PKN2: variants seen among roughly 807,000 people sequenced by gnomAD.
The protein encoded by PKN2 is protein kinase N2, also known as serine/threonine-protein kinase N2.
Under a neutral mutation model 119.1 loss-of-function variants are expected in PKN2, and 38 were observed. The observed-to-expected ratio is 0.32, with a 90% CI of 0.25 to 0.42. PKN2 has a LOEUF of 0.42. Ranked by LOEUF, PKN2 falls within the 10% of genes least tolerant of loss-of-function variation. The pLI is 1.00. For synonymous variants in PKN2, 390 were observed against 384.9 expected (o/e 1.01, Z -0.15); for missense variants, 850 against 1,165.1 (o/e 0.73, Z 3.94).
At chr1:88,737,272 A>C (rs1265140482) in intron 1 of PKN2, among the ~76,000 whole-genome samples, 1 of 152,046 alleles carries the variant, frequency 6.6e-6, no homozygotes, top group Non-Finnish European at 1.5e-5. Context: ...TGTACCCCTG[A>C]GTCTATTCCA....
chr1:88,750,250 C>A (rs1175353185), intron 2 of PKN2, among the ~76,000 whole-genome samples: 1 of 152,092 alleles, frequency 6.6e-6, no homozygotes, highest in Admixed American at 6.6e-5. Context: ...AGTAAAGACT[C>A]AAGAATTAAA....
At chr1:88,761,354 A>G (rs1459384244) in intron 3 of PKN2, among the ~76,000 whole-genome samples, 1 of 151,980 alleles carries the variant, frequency 6.6e-6, no homozygotes, top group Non-Finnish European at 1.5e-5. Context: ...TTATTTTAGT[A>G]GATATTTTTT....
chr1:88,755,297 G>A (rs1422653848), intron 2 of PKN2, among the ~76,000 whole-genome samples: 1 of 152,148 alleles, frequency 6.6e-6, no homozygotes, highest in African/African-American at 2.4e-5. Flanking sequence ...AAATTGGAGA[G>A]AAGAAAAGCA....
chr1:88,791,970 T>A (rs1340092053), intron 8 of PKN2, among the ~76,000 whole-genome samples: 2 of 152,318 alleles, frequency 1.3e-5, no homozygotes, highest in East Asian at 3.9e-4. Flanking sequence ...ACAAAGATAC[T>A]TTTAATTTTT....
At chr1:88,745,731 AAAAG>A (rs1224046900) in intron 2 of PKN2, among the ~76,000 whole-genome samples, 1 of 152,296 alleles carries the variant, frequency 6.6e-6, no homozygotes, top group South Asian at 2.1e-4. Flanking sequence ...CAGAAATAGA[AAAAG>A]AAATCCTAAA....
At chr1:88,782,659 C>T (rs1230121638) in intron 6 of PKN2, among the ~76,000 whole-genome samples, 1 of 151,930 alleles carries the variant, frequency 6.6e-6, no homozygotes. Flanking sequence ...ATTTTTTAAT[C>T]ACTAGAAATT....
At chr1:88,738,457 G>A (rs749938864) in intron 1 of PKN2, among the ~76,000 whole-genome samples, 2 of 152,228 alleles carry the variant, frequency 1.3e-5, no homozygotes, top group Non-Finnish European at 2.9e-5. Context: ...GAGAGATGGT[G>A]CATACCAAAG....
chr1:88,807,353 G>T lies in PKN2; in HGVS notation c.1844G>T (p.Ser615Ile). The change falls in exon 13 of 22, where the codon AGT (serine) becomes ATT (isoleucine). Residue 615 changes from serine to isoleucine, a missense_variant. By Grantham distance (142) the Ser-to-Ile change is moderately radical (BLOSUM62 -2). This residue lies in a region of PKN2 where 216 missense variants were observed against 252.8 expected (regional missense o/e 0.85). Coordinates refer to ENST00000370521, the MANE Select transcript of PKN2 (RefSeq NM_006256.4). The stretch of plus-strand genomic sequence containing the variant: ...TTTGATATTCAGAATGACAGAAATA[G>T]TATACTTCCAAAATCTCAATCTGAA... ...TVFDIQNDRN[S>I]ILPKSQSEYK... 6.3e-7 allele frequency: 1 copy of T among 1,589,130 alleles called. No homozygotes were observed. The highest frequency in any genetic ancestry group is 1.1e-5 in the South Asian group (1 of 89,552).
chr1:88,726,531 GTTGTA>G (rs1667903321), intron 1 of PKN2, among the ~76,000 whole-genome samples: 1 of 152,042 alleles, frequency 6.6e-6, no homozygotes, highest in Non-Finnish European at 1.5e-5. Flanking sequence ...ACCCTACTGT[GTTGTA>G]TTGTATAATT....
In PKN2 at chr1:88,828,486, G is replaced by T; in HGVS notation, c.2425G>T (p.Gly809Ter). The T allele has an allele frequency of 6.2e-7, 1 of 1,606,088 alleles. No homozygotes were observed. Among genetic ancestry groups the T allele is most frequent in the East Asian group, 2.2e-5 (1 of 44,734 alleles). ...ADFGLCKEGM[G>*]YGDRTSTFCG... The stretch of plus-strand genomic sequence containing the variant: ...TTACATTTTATCTTTTCCAGGAATG[G>T]GATATGGAGATAGAACAAGCACATT... Residue 809 changes from glycine to a stop codon, truncating the protein, a stop_gained, in exon 19 of 22, where the codon GGA (glycine) becomes TGA (stop). Coordinates refer to ENST00000370521, the MANE Select transcript of PKN2 (RefSeq NM_006256.4). LOFTEE classifies it high-confidence loss of function.
chr1:88,784,873 T>C (rs1188887453), intron 7 of PKN2, 49 bp downstream of exon 7: 1 of 1,138,154 alleles, frequency 8.8e-7, no homozygotes, highest in Non-Finnish European at 1.3e-6. Context: ...AAAGTGCTTA[T>C]ACAAGGGATT....
intron 2 of PKN2, among the ~76,000 whole-genome samples, chr1:88,745,368 C>T (rs1668731892): frequency 6.6e-6 from 1 of 152,144 alleles, no homozygotes; most frequent in African/African-American, 2.4e-5. Context: ...GTATAAAATT[C>T]TAAAGACTCC....
intron 19 of PKN2, chr1:88,828,903 G>A (rs1344290831): frequency 1.6e-6 from 1 of 610,020 alleles, no homozygotes; most frequent in Middle Eastern, 2.6e-4. Flanking sequence ...TCATTTTATA[G>A]GGAATGGAAT....
At chr1:88,831,590 G>A (rs1672736052) in intron 19 of PKN2, among the ~76,000 whole-genome samples, 1 of 151,942 alleles carries the variant, frequency 6.6e-6, no homozygotes, top group Admixed American at 6.6e-5. Flanking sequence ...TCTTAGCTGT[G>A]AGCAAGATTA....
chr1:88,698,939 G>A (rs1666650788), intron 1 of PKN2, among the ~76,000 whole-genome samples: 1 of 152,108 alleles, frequency 6.6e-6, no homozygotes, highest in Non-Finnish European at 1.5e-5. Context: ...TAGAGCCATA[G>A]CATCTATTAA....
chr1:88,792,918 G>T (rs560846296), intron 8 of PKN2, among the ~76,000 whole-genome samples: 8 of 152,258 alleles, frequency 5.3e-5, no homozygotes, highest in Non-Finnish European at 7.3e-5. Flanking sequence ...TTATGGTATT[G>T]CATTAAATAC....
chr1:88,745,648 A>C (rs920985350), intron 2 of PKN2, among the ~76,000 whole-genome samples: 1 of 152,172 alleles, frequency 6.6e-6, no homozygotes, highest in African/African-American at 2.4e-5. Flanking sequence ...TAATATTGTT[A>C]AAATGTCCAT....
chr1:88,751,312 C>T (rs929172165), intron 2 of PKN2, among the ~76,000 whole-genome samples: 20 of 151,798 alleles, frequency 1.3e-4, no homozygotes, highest in Non-Finnish European at 2.6e-4. Context: ...TATGTGTAGA[C>T]ACACATACAT....
At chr1:88,746,365 A>G (rs1233937450) in intron 2 of PKN2, among the ~76,000 whole-genome samples, 4 of 152,134 alleles carry the variant, frequency 2.6e-5, no homozygotes, top group Admixed American at 2.6e-4. Flanking sequence ...TATAAATTAT[A>G]TATTGGATAA....
Sources: allele counts gnomAD v4.1 joint callset (sites outside exome capture counted in the v4.1 genomes callset), GRCh38; gene constraint gnomAD v4.1.1; regional missense constraint gnomAD v4.1.1; transcripts MANE v1.5; gene names NCBI Gene and HGNC (gene_info 2026-07-23, HGNC 2026-07-21).